Variants in RBKS observed in about 807,000 individuals in gnomAD.
The protein encoded by RBKS is ribokinase.
A neutral mutation model predicts 33.9 loss-of-function variants in RBKS; 33 were observed. The observed-to-expected ratio is 0.97, with a 90% CI of 0.74 to 1.30. The LOEUF is 1.30. RBKS is among the 50% of genes most tolerant of loss of function. The probability of loss-of-function intolerance (pLI) is 0.00; values close to 1 mark genes in which losing one functional copy is unlikely to be tolerated. For missense variants in RBKS, 361 were observed against 392.6 expected, an observed-to-expected ratio of 0.92 and a Z score of 0.68; for synonymous variants, 125 against 143.0, an observed-to-expected ratio of 0.87 and a Z score of 0.90.
intron 5 of RBKS, among the ~76,000 whole-genome samples, chr2:27,841,729 AAC>A (rs35205983): frequency 0.028 from 4,027 of 141,940 alleles, 72 homozygotes; most frequent in African/African-American, 0.051. Context: ...CACTTATATA[AAC>A]ACACACACAC....
At chr2:27,823,477 G>A (rs978676597) in intron 7 of RBKS, among the ~76,000 whole-genome samples, 1 of 152,138 alleles carries the variant, frequency 6.6e-6, no homozygotes, top group Admixed American at 6.5e-5. Flanking sequence ...AGGAGGAAGA[G>A]AAAAGCGAGA....
intron 3 of RBKS, among the ~76,000 whole-genome samples, chr2:27,847,328 A>T (rs940491901): frequency 1.3e-5 from 2 of 152,214 alleles, no homozygotes; most frequent in African/African-American, 4.8e-5. Flanking sequence ...TGCATTAGTA[A>T]CAACCCACCA....
chr2:27,843,253 T>C, intron 4 of RBKS, 22 bp from the exon 5 acceptor site: 1 of 1,582,124 alleles, frequency 6.3e-7, no homozygotes, highest in South Asian at 1.1e-5. Flanking sequence ...TTCCACCTAT[T>C]ATATTAAAAC....
At chr2:27,785,234 T>C (rs765193004) in intron 7 of RBKS, among the ~76,000 whole-genome samples, 4 of 152,154 alleles carry the variant, frequency 2.6e-5, no homozygotes, top group Non-Finnish European at 5.9e-5. Context: ...TATAAACATA[T>C]TTTAAAAATT....
At chr2:27,817,615 A>G (rs1024059268) in intron 7 of RBKS, among the ~76,000 whole-genome samples, 28 of 152,200 alleles carry the variant, frequency 1.8e-4, no homozygotes, top group African/African-American at 6.8e-4. Context: ...ATCATGGTGG[A>G]AGGAAGCACT....
rs533954174 is a variant in RBKS at position 27,781,440 on chromosome 2, T to G, written c.*175A>C. The G allele has an allele frequency of 2.4e-5, 14 of 571,510 alleles. No homozygotes were observed. Among genetic ancestry groups the G allele is most frequent in the Non-Finnish European group, 4.2e-5 (14 of 332,358 alleles). The allele number at this position is 571,510 out of a possible 1,614,324, so 35.4% of individuals were successfully genotyped here. Reference sequence around the variant, plus strand: ...ATTCTGGTTGTTTTGTGCAAATGCATGGAAAGCAAAAGAATCATCGTTATA... The same window carrying G: ...ATTCTGGTTGTTTTGTGCAAATGCAGGGAAAGCAAAAGAATCATCGTTATA... On this transcript the variant is annotated 3_prime_UTR_variant, in exon 8 of 8. Coordinates refer to ENST00000302188, the MANE Select transcript of RBKS (RefSeq NM_022128.3).
intron 6 of RBKS, among the ~76,000 whole-genome samples, chr2:27,830,964 G>A (rs1203988817): frequency 1.3e-5 from 2 of 152,172 alleles, no homozygotes; most frequent in Non-Finnish European, 2.9e-5. Context: ...CAAGTCACAC[G>A]TAGAGGCCAT....
chr2:27,835,656 C>A (rs1678504826), intron 5 of RBKS, among the ~76,000 whole-genome samples: 1 of 149,540 alleles, frequency 6.7e-6, no homozygotes, highest in Non-Finnish European at 1.5e-5. Context: ...AATTCCTGGG[C>A]TCAAGCGATC....
intron 1 of RBKS, among the ~76,000 whole-genome samples, chr2:27,860,982 T>G (rs1663968011): frequency 6.6e-6 from 1 of 151,990 alleles, no homozygotes; most frequent in Non-Finnish European, 1.5e-5. Context: ...TCTCTTTTTT[T>G]TTTTAAACAG....
chr2:27,811,132 T>C (rs1382799714), intron 7 of RBKS, among the ~76,000 whole-genome samples: 2 of 152,222 alleles, frequency 1.3e-5, no homozygotes, highest in Non-Finnish European at 2.9e-5. Flanking sequence ...AGTGCCACTT[T>C]ACCAAGCTGC....
At chr2:27,796,957 G>A (rs114308869) in intron 7 of RBKS, among the ~76,000 whole-genome samples, 1,962 of 152,236 alleles carry the variant, frequency 0.013, 21 homozygotes, top group Middle Eastern at 0.027. Context: ...CCTTGACTAT[G>A]GCCATGGGTT....
intron 7 of RBKS, among the ~76,000 whole-genome samples, chr2:27,802,596 A>G (rs1393538359): frequency 1.3e-5 from 2 of 152,180 alleles, no homozygotes; most frequent in Non-Finnish European, 2.9e-5. Flanking sequence ...CTTGTCCCAA[A>G]GAACTACCAG....
At chr2:27,859,036 C>T (rs1663919235) in intron 1 of RBKS, among the ~76,000 whole-genome samples, 1 of 151,988 alleles carries the variant, frequency 6.6e-6, no homozygotes, top group African/African-American at 2.4e-5. Flanking sequence ...AAGTACAGGA[C>T]CTAAGGAGAA....
chr2:27,849,650 T>C (rs1001115934), intron 2 of RBKS, among the ~76,000 whole-genome samples: 1 of 151,182 alleles, frequency 6.6e-6, no homozygotes, highest in Non-Finnish European at 1.5e-5. Context: ...AGTGTAACCC[T>C]GAACCACTGA....
intron 1 of RBKS, among the ~76,000 whole-genome samples, chr2:27,872,751 G>A (rs901147915): frequency 4.6e-5 from 7 of 152,168 alleles, no homozygotes; most frequent in African/African-American, 1.4e-4. Flanking sequence ...TGATGTTAAT[G>A]CAATTCCCTA....
intron 5 of RBKS, among the ~76,000 whole-genome samples, chr2:27,834,374 T>C (rs1409278787): frequency 6.6e-6 from 1 of 152,226 alleles, no homozygotes; most frequent in African/African-American, 2.4e-5. Context: ...CAGATTTTTG[T>C]ATAGAGTTAT....
At position 27,858,495 on chromosome 2, in the gene RBKS, C is replaced by A; in HGVS notation, c.166G>T (p.Ala56Ser). The A allele has an allele frequency of 6.2e-7, 1 of 1,614,090 alleles. No individual in the cohort carries two copies. Among genetic ancestry groups the A allele is most frequent in the Non-Finnish European group, 8.5e-7 (1 of 1,179,992 alleles). ...CGAGCAGCTTGGACACACTGGTTGG[C>A]ACCTTTCCCTCCAAAGCCAATAAAA... ...KFFIGFGGKGANQCVQAARLG... is the reference protein window; with the variant it reads ...KFFIGFGGKGSNQCVQAARLG... Residue 56 changes from alanine (A) to serine (S), a missense_variant, in exon 2 of 8, where the codon GCC becomes TCC. By Grantham distance (99) the Ala-to-Ser change is moderately conservative. Coordinates refer to ENST00000302188, the MANE Select transcript of RBKS (RefSeq NM_022128.3).
chr2:27,887,983 C>T (rs1664574166), intron 1 of RBKS, among the ~76,000 whole-genome samples: 2 of 152,120 alleles, frequency 1.3e-5, no homozygotes, highest in Admixed American at 6.5e-5. Flanking sequence ...CACTCCCCTA[C>T]CCCACCCCAC....
At position 27,843,100 on chromosome 2, in the gene RBKS, A is replaced by C; in HGVS notation, c.481T>G (p.Leu161Val). The change falls in exon 5 of 8, where the codon TTG (leucine) becomes GTG (valine). Residue 161 changes from leucine (L) to valine (V), a missense_variant. Physicochemically the swap from Leu to Val is conservative, Grantham distance 32. Transcript: ENST00000302188. ...CTGCGGGCCATTGTTAGGGCTTCCAAAGAAGTTGCTGGAGTTATTTCGAGC... is the reference window on the plus strand; with the variant it reads ...CTGCGGGCCATTGTTAGGGCTTCCACAGAAGTTGCTGGAGTTATTTCGAGC... ...CQLEITPATS[L>V]EALTMARRSG... The C allele has an allele frequency of 6.2e-7, 1 of 1,607,852 alleles. No individual in the cohort carries two copies. The highest frequency in any genetic ancestry group is 8.5e-7 in the Non-Finnish European group (1 of 1,176,788).
Sources: gnomAD v4.1 joint callset for allele counts (sites outside exome capture counted in the v4.1 genomes callset) on GRCh38, gnomAD v4.1.1 for gene constraint, MANE v1.5 for transcripts, NCBI Gene and HGNC (gene_info 2026-07-23, HGNC 2026-07-21) for gene names.